IL12RB1: variants seen among roughly 807,000 people sequenced by gnomAD.
IL12RB1 encodes the protein interleukin 12 receptor subunit beta 1, also known as interleukin-12 receptor subunit beta-1.
In IL12RB1, 64 loss-of-function variants were observed where a neutral mutation model predicts 94.4. The ratio of observed to expected loss-of-function variants is 0.68; its 90% CI spans 0.55 to 0.83. The LOEUF (loss-of-function observed/expected upper bound fraction) is 0.83. Among genes scored for constraint, IL12RB1 ranks in the 40% least tolerant of loss-of-function variants. The pLI is 0.00. For missense variants in IL12RB1, 814 were observed against 855.6 expected (o/e 0.95, Z 0.61); for synonymous variants, 362 against 355.5 (o/e 1.02, Z -0.21).
intron 8 of IL12RB1, among the ~76,000 whole-genome samples, chr19:18,073,305 G>C (rs1277583198): frequency 6.6e-6 from 1 of 152,070 alleles, no homozygotes; most frequent in Non-Finnish European, 1.5e-5. Flanking sequence ...GGGAAAGTCT[G>C]TGAACATCTG....
At chr19:18,064,078 A>C in intron 12 of IL12RB1, 68 bp from the exon 13 acceptor site, 8 of 1,116,508 alleles carry the variant, frequency 7.2e-6, no homozygotes, top group African/African-American at 3.1e-5. Context: ...CTGGGCTACC[A>C]CAGCCTGTGG....
Position 18,066,539 on chromosome 19 carries a change from TACCTGAC to T in IL12RB1, c.1479_1483+2del. 6.2e-7 allele frequency: 1 copy of T among 1,609,952 alleles called. No homozygotes were observed. Among genetic ancestry groups the T allele is most frequent in the Non-Finnish European group, 8.5e-7 (1 of 1,176,582 alleles). The stretch of plus-strand genomic sequence containing the variant: ...CAAGCCAGGTCTGCACTGCCTCACG[TACCTGAC>T]ACCTGTTTGCTGTCTTCATCTCGGC... On this transcript the variant is annotated splice_donor_variant and coding_sequence_variant, in exon 12 of 17. Transcript: ENST00000593993. LOFTEE classifies it high-confidence loss of function.
chr19:18,096,666 C>A (rs952418537), intron 1 of IL12RB1, among the ~76,000 whole-genome samples: 3 of 151,094 alleles, frequency 2.0e-5, no homozygotes, highest in African/African-American at 7.3e-5. Context: ...GAGACCTCAT[C>A]TCTACCAAAA....
intron 1 of IL12RB1, among the ~76,000 whole-genome samples, chr19:18,084,890 G>T (rs1322443770): frequency 1.3e-5 from 2 of 152,258 alleles, no homozygotes; most frequent in Non-Finnish European, 2.9e-5. Context: ...AAGTGGAGGT[G>T]TGCCTGGGGT....
At chr19:18,064,179 G>T (rs1250682051) in intron 12 of IL12RB1, among the ~76,000 whole-genome samples, 169 bp from the exon 13 acceptor site, 1 of 128,122 alleles carries the variant, frequency 7.8e-6, no homozygotes, top group African/African-American at 2.9e-5. Flanking sequence ...TTGCTCTGTC[G>T]CCCAGGCTGG....
intron 16 of IL12RB1, 32 bp from the exon 17 acceptor site, chr19:18,059,645 G>T (rs1443083049): frequency 1.3e-6 from 1 of 780,434 alleles, no homozygotes. Context: ...GTTCCTTTCA[G>T]GGGGTGGTTG....
intron 4 of IL12RB1, among the ~76,000 whole-genome samples, chr19:18,079,620 T>C (rs2146365690): frequency 6.6e-6 from 1 of 151,970 alleles, no homozygotes; most frequent in East Asian, 1.9e-4. Flanking sequence ...AGATTATACA[T>C]GTAAGTGGGA....
At chr19:18,083,198 C>A (rs1215049159) in intron 2 of IL12RB1, 4 of 621,896 alleles carry the variant, frequency 6.4e-6, no homozygotes, top group South Asian at 1.9e-5. Context: ...GACACAGACA[C>A]CAGCCCTGAG....
At chr19:18,089,716 G>A (rs571130871), upstream of IL12RB1, among the ~76,000 whole-genome samples, 20 of 152,202 alleles carry the variant, frequency 1.3e-4, no homozygotes, top group Middle Eastern at 3.4e-3. Context: ...TGAGGAGGGA[G>A]AAGGAGAGGG....
chr19:18,063,793 A>C, intron 13 of IL12RB1, 83 bp downstream of exon 13: 1 of 1,284,730 alleles, frequency 7.8e-7, no homozygotes, highest in Non-Finnish European at 1.1e-6. Flanking sequence ...AGTGAGAGTG[A>C]GGGCAGGGCT....
chr19:18,097,489 C>A (rs1404734610), intron 1 of IL12RB1, among the ~76,000 whole-genome samples: 1 of 152,190 alleles, frequency 6.6e-6, no homozygotes. Context: ...TGAGCCACTG[C>A]GCCCGGCCAA....
chr19:18,081,157 G>A (rs573084389), intron 3 of IL12RB1, among the ~76,000 whole-genome samples, 156 bp from the exon 4 acceptor site: 2 of 151,952 alleles, frequency 1.3e-5, no homozygotes, highest in Admixed American at 6.6e-5. Context: ...GTGCAGTCGC[G>A]CAATCTCGGC....
At chr19:18,061,406 GT>G (rs2034118766) in intron 14 of IL12RB1, among the ~76,000 whole-genome samples, 1 of 152,024 alleles carries the variant, frequency 6.6e-6, no homozygotes, top group South Asian at 2.1e-4. Flanking sequence ...AATTTTTGTA[GT>G]TTTGGTAGAG....
At chr19:18,095,048 G>C (rs371799142) in intron 1 of IL12RB1, among the ~76,000 whole-genome samples, 22 of 151,862 alleles carry the variant, frequency 1.4e-4, no homozygotes, top group African/African-American at 5.1e-4. Context: ...GAGTGGTGGC[G>C]GGTGTCTGTA....
intron 2 of IL12RB1, 28 bp downstream of exon 2, chr19:18,083,404 C>T: frequency 6.2e-7 from 1 of 1,610,976 alleles, no homozygotes; most frequent in Non-Finnish European, 8.5e-7. Context: ...ACATAATCCT[C>T]AGCCAACAAT....
At chr19:18,064,587 C>T (rs1226999060) in intron 12 of IL12RB1, among the ~76,000 whole-genome samples, 1 of 151,950 alleles carries the variant, frequency 6.6e-6, no homozygotes, top group Non-Finnish European at 1.5e-5. Context: ...ATTCTTGTGC[C>T]TCAGCCTCCT....
In IL12RB1 at chr19:18,092,421, C is replaced by T. The variant is rs1472376073; in HGVS notation, c.-229-1652G>A. The stretch of plus-strand genomic sequence containing the variant: ...AAGAGAATCACTTGAACCTGGTAAG[C>T]GGGGTTTGCGGTGAGCCAAGATCGT... On this transcript the variant is annotated intron_variant, in intron 1 of 4. Transcript: ENST00000594176. 2.6e-5 allele frequency among the ~76,000 whole-genome samples: 4 copies of T among 151,732 alleles called. No homozygotes were observed. In the South Asian group the frequency reaches 6.2e-4, roughly 24 times the overall value.
At chr19:18,068,625 T>G (rs999005899) in intron 10 of IL12RB1, 99 bp from the exon 11 acceptor site, 5 of 976,280 alleles carry the variant, frequency 5.1e-6, no homozygotes, top group Admixed American at 1.8e-5. Context: ...CCCAGAAAAC[T>G]CCTACTCATG....
intron 11 of IL12RB1, among the ~76,000 whole-genome samples, chr19:18,067,398 G>A (rs1471592070): frequency 6.7e-6 from 1 of 149,894 alleles, no homozygotes; most frequent in Non-Finnish European, 1.5e-5. Context: ...CCACTGTCCA[G>A]AGACGGAGGT....
Sources: gnomAD v4.1 joint callset for allele counts (sites outside exome capture counted in the v4.1 genomes callset) on GRCh38, gnomAD v4.1.1 for gene constraint, MANE v1.5 for transcripts, NCBI Gene and HGNC (gene_info 2026-07-23, HGNC 2026-07-21) for gene names.